Variants in CRB2 observed in about 807,000 individuals in gnomAD.
CRB2 encodes the protein protein crumbs homolog 2.
In CRB2, 85 loss-of-function variants were observed where a neutral mutation model predicts 110.9. The observed-to-expected ratio is 0.77, with a 90% CI of 0.64 to 0.92. The LOEUF (loss-of-function observed/expected upper bound fraction) is 0.92, where lower values mean the gene tolerates loss of function less well. Ranked by LOEUF, CRB2 falls within the 40% of genes least tolerant of loss-of-function variation. The probability of loss-of-function intolerance (pLI) is 0.00; values close to 1 mark genes in which losing one functional copy is unlikely to be tolerated. For missense variants in CRB2, 1,843 were observed against 1,851.3 expected (o/e 1.00, Z 0.08); for synonymous variants, 907 against 831.0 (o/e 1.09, Z -1.57).
rs759815636 is a variant in CRB2, at chr9:123,362,923, C to T, written c.153C>T (p.Thr51=). The part of the protein sequence containing the change: ...ACASDPCAPG[T]ECQATESGGY... ...CCTCAGACCCGTGCGCTCCAGGGAC[C>T]GAGTGCCAGGCTACCGAGAGTGGTG... The change falls in exon 2 of 13, where the codon ACC becomes ACT. Residue 51 remains threonine (T), a synonymous_variant. Coordinates refer to ENST00000373631, the MANE Select transcript of CRB2 (RefSeq NM_173689.7). The T allele has an allele frequency of 1.1e-4, 177 of 1,601,476 alleles. No individual in the cohort carries two copies. The highest frequency in any genetic ancestry group is 2.0e-4 in the South Asian group (18 of 90,860).
rs145324221 is a variant in CRB2 at position 123,369,565 on chromosome 9, A to G, written c.1055-543A>G. On this transcript the variant is annotated intron_variant, in intron 6 of 12. Coordinates refer to ENST00000373631, the MANE Select transcript of CRB2 (RefSeq NM_173689.7). ...CAAGCAGACAGAACAGTATGAGCAA[A>G]GCCCCAGAGTCACGACTTTCCAGGA... is the stretch of plus-strand genomic sequence containing the variant. Among the ~76,000 whole-genome samples, 54 of 152,234 alleles carry G rather than the reference A, an allele frequency of 3.5e-4. No individual in the cohort carries two copies. In the East Asian group the frequency reaches 9.1e-3, roughly 26 times the overall value.
chr9:123,369,433 C>T (rs771230179), intron 6 of CRB2, among the ~76,000 whole-genome samples: 7 of 152,126 alleles, frequency 4.6e-5, no homozygotes, highest in Admixed American at 1.3e-4. Flanking sequence ...CAGAGTGACA[C>T]AGTAGTTTGA....
At position 123,377,519 on chromosome 9, in the gene CRB2, A is replaced by AC; in HGVS notation, c.*457_*458insC. The AC allele has an allele frequency of 6.5e-6, 1 of 154,730 alleles. No homozygotes were observed. The highest frequency in any genetic ancestry group is 2.4e-5 in the African/African-American group (1 of 41,664). 9.6% of individuals were successfully genotyped at this position (154,730 alleles called of 1,614,324 possible). On this transcript the variant is annotated 3_prime_UTR_variant, in exon 13 of 13. Coordinates refer to ENST00000373631, the MANE Select transcript of CRB2 (RefSeq NM_173689.7). ...GATCCCAGGAGGTGGCGGCTGCGCC[A>AC]TGGGGTCAACCATTACAGTCCTAGG... is the stretch of plus-strand genomic sequence containing the variant.
chr9:123,356,972 C>T (rs1363278661), intron 1 of CRB2, among the ~76,000 whole-genome samples: 1 of 152,012 alleles, frequency 6.6e-6, no homozygotes, highest in Admixed American at 6.6e-5. Context: ...CAGCCGACCC[C>T]AACTCGGGAC....
At chr9:123,355,698 G>C (rs1382219025), upstream of CRB2, among the ~76,000 whole-genome samples, 1 of 144,330 alleles carries the variant, frequency 6.9e-6, no homozygotes, top group Non-Finnish European at 1.5e-5. Context: ...AGGTGCCTTG[G>C]CTCCGATGGG....
At chr9:123,361,137 A>AT (rs1554781915) in intron 1 of CRB2, among the ~76,000 whole-genome samples, 1 of 53,794 alleles carries the variant, frequency 1.9e-5, no homozygotes, top group Non-Finnish European at 6.5e-5. Context: ...ATGGGCGGGG[A>AT]GGGGGGGGGG....
chr9:123,363,819 G>A (rs569180992), intron 2 of CRB2, among the ~76,000 whole-genome samples: 6 of 152,182 alleles, frequency 3.9e-5, no homozygotes, highest in Non-Finnish European at 7.3e-5. Flanking sequence ...AGTGTGGCCC[G>A]TCCCAGGCCC....
chr9:123,376,541 C>T (rs2042105832), intron 12 of CRB2, among the ~76,000 whole-genome samples: 1 of 152,164 alleles, frequency 6.6e-6, no homozygotes, highest in South Asian at 2.1e-4. Context: ...TCGTAGGCTT[C>T]TGTGAAACCC....
chr9:123,380,070 G>C (rs1013435135), downstream of CRB2: 2 of 152,264 alleles, frequency 1.3e-5, no homozygotes, highest in Non-Finnish European at 2.9e-5. Flanking sequence ...CTCAGACATA[G>C]AGGGGGCTCC....
rs538919470 is a variant in CRB2 at position 123,373,129 on chromosome 9, C to T, written c.2603-5C>T. 48 of 1,496,596 alleles carry T rather than the reference C, an allele frequency of 3.2e-5. No homozygotes were observed. In the South Asian group the frequency reaches 4.0e-4, roughly 12 times the overall value. The allele number at this position is 1,496,596 out of a possible 1,614,324, so 92.7% of individuals were successfully genotyped here. ...GCTATTCCCTGAGGCTCCTTCTCTCCGCAGGTGTGGCGGAGGCCACGTTCC... is the reference window on the plus strand; with the variant it reads ...GCTATTCCCTGAGGCTCCTTCTCTCTGCAGGTGTGGCGGAGGCCACGTTCC... On this transcript the variant is annotated splice_region_variant and splice_polypyrimidine_tract_variant and intron_variant, in intron 9 of 12. Transcript: ENST00000373631.
At chr9:123,354,333 G>A (rs931055855), upstream of CRB2, among the ~76,000 whole-genome samples, 1 of 151,172 alleles carries the variant, frequency 6.6e-6, no homozygotes, top group Non-Finnish European at 1.5e-5. Flanking sequence ...TGAAAGTGTG[G>A]GAGTTTGTGT....
At chr9:123,364,333 T>TGCGGGCA (rs2041904753) in intron 2 of CRB2, among the ~76,000 whole-genome samples, 2 of 151,932 alleles carry the variant, frequency 1.3e-5, no homozygotes, top group African/African-American at 2.4e-5. Context: ...CAGTGGGTTG[T>TGCGGGCA]GTGGGCAGTG....
chr9:123,366,431 G>T (rs2041933451), intron 4 of CRB2, 65 bp downstream of exon 4: 1 of 1,477,342 alleles, frequency 6.8e-7, no homozygotes, highest in East Asian at 2.8e-5. Flanking sequence ...GCGGCCTGGG[G>T]CGGTGGGGCA....
rs1413494071 is a variant in CRB2 at position 123,367,173 on chromosome 9, C to T, written c.756C>T (p.Gly252=). The T allele has an allele frequency of 1.3e-6, 2 of 1,585,882 alleles. No individual in the cohort carries two copies. The highest frequency in any genetic ancestry group is 1.7e-6 in the Non-Finnish European group (2 of 1,172,008). Residue 252 remains glycine (G), a splice_region_variant and synonymous_variant, in exon 5 of 13, where the codon GGC becomes GGT. Transcript: ENST00000373631. ...LGSFRCLCWP[G]YSGELCEVDE... is the part of the protein sequence containing the mutation. ...ATGTCCGCGTGTGTGTGCCCCCAGG[C>T]TACAGCGGCGAGCTGTGCGAGGTGG...
intron 6 of CRB2, 59 bp downstream of exon 6, chr9:123,367,745 G>T: frequency 8.8e-7 from 1 of 1,142,798 alleles, no homozygotes. Flanking sequence ...AGGTGAGAAG[G>T]TCCCTTCTGT....
chr9:123,359,457 T>G (rs1333582013), intron 1 of CRB2, among the ~76,000 whole-genome samples: 4 of 141,098 alleles, frequency 2.8e-5, no homozygotes, highest in Non-Finnish European at 6.1e-5. Context: ...TTTTTTTTTT[T>G]TTTTTTTTTA....
chr9:123,361,135 G>C (rs984818873), intron 1 of CRB2, among the ~76,000 whole-genome samples: 2 of 67,638 alleles, frequency 3.0e-5, no homozygotes, highest in East Asian at 5.0e-4. Flanking sequence ...GGATGGGCGG[G>C]GAGGGGGGGG....
chr9:123,359,611 C>G (rs2041844201), intron 1 of CRB2, among the ~76,000 whole-genome samples: 1 of 151,720 alleles, frequency 6.6e-6, no homozygotes, highest in Non-Finnish European at 1.5e-5. Flanking sequence ...CCATGCTTGG[C>G]TTATTTCGTT....
rs1050558721 is a variant in CRB2, at chr9:123,367,280, T to A, written c.863T>A (p.Val288Asp). The change falls in exon 5 of 13, where the codon GTC becomes GAC. Residue 288 changes from valine (V) to aspartate (D), a missense_variant. Physicochemically the swap from Val to Asp is radical, Grantham distance 152. Coordinates refer to ENST00000373631, the MANE Select transcript of CRB2 (RefSeq NM_173689.7). ...TCTGACCCGGCCCTCTACGGGGGTG[T>A]CCAGGCCGCCTTCCCTGGCGCCTTC... ...QRSDPALYGG[V>D]QAAFPGAFSF... 3.7e-6 allele frequency: 6 copies of A among 1,601,410 alleles called. No individual in the cohort carries two copies. The African/African-American group carries it at 8.0e-5, about 21-fold the overall frequency.
Sources: gnomAD v4.1 joint callset for allele counts (sites outside exome capture counted in the v4.1 genomes callset) on GRCh38, gnomAD v4.1.1 for gene constraint, MANE v1.5 for transcripts, NCBI Gene and HGNC (gene_info 2026-07-23, HGNC 2026-07-21) for gene names.